The following ZYG11B variants were observed in gnomAD, a reference collection of about 807,000 sequenced individuals.
ZYG11B encodes protein zyg-11 homolog B.
Under a neutral mutation model 82.4 loss-of-function variants are expected in ZYG11B, and 36 were observed. That is an observed-to-expected ratio of 0.44 (90% CI 0.33 to 0.58). The LOEUF is 0.58. ZYG11B is among the 20% of genes least tolerant of loss of function. The probability of loss-of-function intolerance (pLI) is 0.02; values close to 1 mark genes in which losing one functional copy is unlikely to be tolerated. For synonymous variants in ZYG11B, 303 were observed against 312.8 expected, an observed-to-expected ratio of 0.97 and a Z score of 0.33; for missense variants, 552 against 895.6, an observed-to-expected ratio of 0.62 and a Z score of 4.90.
Position 52,783,788 on chromosome 1 carries a change from TTA to T in ZYG11B, c.1093-1072_1093-1071del, listed in dbSNP as rs760749281. ...TAGGCGTGTACTACCATGCCCAGCTTTATATATATATATATATACACACACAC... is the reference window on the plus strand; with the variant it reads ...TAGGCGTGTACTACCATGCCCAGCTTTATATATATATATATACACACACAC... On this transcript the variant is annotated intron_variant, in intron 4 of 13. Transcript: ENST00000294353. Among the ~76,000 whole-genome samples the T allele has an allele frequency of 1.5e-3, 78 of 51,306 alleles. 1 individual carries two copies. The highest frequency in any genetic ancestry group is 5.0e-3 in the East Asian group (7 of 1,392). 33.7% of individuals were successfully genotyped at this position (51,306 alleles called of 152,430 possible).
intron 2 of ZYG11B, among the ~76,000 whole-genome samples, chr1:52,768,912 ATCTT>A (rs775265816): frequency 2.6e-5 from 4 of 152,148 alleles, no homozygotes; most frequent in African/African-American, 4.8e-5. Context: ...TCCTTTCTCT[ATCTT>A]TGAATTCTTC....
chr1:52,748,641 T>A (rs1299891222), intron 1 of ZYG11B, among the ~76,000 whole-genome samples: 1 of 152,130 alleles, frequency 6.6e-6, no homozygotes, highest in Non-Finnish European at 1.5e-5. Context: ...GGCGGGCAGA[T>A]CACCTGAGTT....
chr1:52,776,905 G>T (rs1448094214), intron 3 of ZYG11B, among the ~76,000 whole-genome samples: 1 of 152,110 alleles, frequency 6.6e-6, no homozygotes, highest in African/African-American at 2.4e-5. Flanking sequence ...TTTAAAAAGG[G>T]TTTAAAGAAG....
At chr1:52,751,837 C>T (rs1260810071) in intron 1 of ZYG11B, among the ~76,000 whole-genome samples, 3 of 152,002 alleles carry the variant, frequency 2.0e-5, no homozygotes, top group Non-Finnish European at 4.4e-5. Flanking sequence ...ACATTTTTTC[C>T]TTCTTTATAC....
chr1:52,783,805 T>TATATATATATATATATATATATACACAC (rs74185908), intron 4 of ZYG11B, among the ~76,000 whole-genome samples: 2 of 135,002 alleles, frequency 1.5e-5, no homozygotes, highest in Admixed American at 7.4e-5. Context: ...TATATATATA[T>TATATATATATATATATATATATACACAC]ACACACACAC....
chr1:52,797,075 ATATTG>A (rs1645021193), intron 8 of ZYG11B, among the ~76,000 whole-genome samples: 74 of 76,036 alleles, frequency 9.7e-4, no homozygotes, highest in African/African-American at 5.7e-3. Flanking sequence ...TATATATTAT[ATATTG>A]TATATATTTA....
At chr1:52,787,459 G>C (rs1035582126) in intron 5 of ZYG11B, among the ~76,000 whole-genome samples, 1 of 152,116 alleles carries the variant, frequency 6.6e-6, no homozygotes, top group Non-Finnish European at 1.5e-5. Flanking sequence ...GAAAAGAGGG[G>C]GCCAAATGGG....
intron 1 of ZYG11B, among the ~76,000 whole-genome samples, chr1:52,730,221 G>T (rs965525986): frequency 6.6e-6 from 1 of 152,162 alleles, no homozygotes; most frequent in Non-Finnish European, 1.5e-5. Context: ...AATGTTTTTG[G>T]AGTGTCTTTG....
chr1:52,818,216 T>C (rs532331570), intron 13 of ZYG11B, among the ~76,000 whole-genome samples: 11 of 152,212 alleles, frequency 7.2e-5, no homozygotes, highest in African/African-American at 2.6e-4. Flanking sequence ...CTCATCCCTA[T>C]AATCCCAGCA....
intron 2 of ZYG11B, among the ~76,000 whole-genome samples, chr1:52,762,801 C>T (rs774299007): frequency 4.0e-5 from 6 of 150,662 alleles, no homozygotes; most frequent in African/African-American, 1.2e-4. Context: ...AGGTTGGTCT[C>T]GAACTCCTGA....
chr1:52,740,947 A>C (rs915232578), intron 1 of ZYG11B, among the ~76,000 whole-genome samples: 7 of 151,774 alleles, frequency 4.6e-5, no homozygotes, highest in African/African-American at 1.7e-4. Flanking sequence ...GATCATCTCT[A>C]AGGTTATAGT....
chr1:52,755,454 G>T (rs1016728622), intron 1 of ZYG11B, among the ~76,000 whole-genome samples: 1 of 151,976 alleles, frequency 6.6e-6, no homozygotes, highest in Admixed American at 6.6e-5. Context: ...GATCGTTTTG[G>T]CTATTCTAGG....
intron 1 of ZYG11B, among the ~76,000 whole-genome samples, chr1:52,730,923 G>A (rs757082176): frequency 1.5e-4 from 23 of 151,952 alleles, no homozygotes; most frequent in Non-Finnish European, 2.5e-4. Context: ...GCTTTGCAGA[G>A]GGTCTTACTT....
At chr1:52,736,764 T>C (rs1184548745) in intron 1 of ZYG11B, among the ~76,000 whole-genome samples, 1 of 151,678 alleles carries the variant, frequency 6.6e-6, no homozygotes, top group Admixed American at 6.6e-5. Context: ...ATTTTTGTAT[T>C]TTTTAGTAGA....
chr1:52,792,828 G>GT, intron 6 of ZYG11B, among the ~76,000 whole-genome samples: 1 of 152,100 alleles, frequency 6.6e-6, no homozygotes, highest in African/African-American at 2.4e-5. Context: ...TATGGAATAG[G>GT]TTTTTATTTT....
intron 1 of ZYG11B, among the ~76,000 whole-genome samples, chr1:52,732,386 A>G (rs1644340042): frequency 6.6e-6 from 1 of 152,190 alleles, no homozygotes; most frequent in Non-Finnish European, 1.5e-5. Flanking sequence ...TTGTATACAG[A>G]GATTAAATAT....
chr1:52,793,587 C>A (rs546325269), intron 6 of ZYG11B, among the ~76,000 whole-genome samples: 4 of 152,116 alleles, frequency 2.6e-5, no homozygotes, highest in Non-Finnish European at 4.4e-5. Flanking sequence ...CATTGCCTCA[C>A]GATAAAATAA....
intron 3 of ZYG11B, among the ~76,000 whole-genome samples, chr1:52,777,821 A>ATAT (rs1446606771): frequency 6.6e-6 from 1 of 152,194 alleles, no homozygotes; most frequent in Non-Finnish European, 1.5e-5. Flanking sequence ...GTCACACTGT[A>ATAT]TAATGTTACT....
chr1:52,777,600 G>A (rs1398051465), intron 3 of ZYG11B, among the ~76,000 whole-genome samples: 2 of 151,922 alleles, frequency 1.3e-5, no homozygotes, highest in Non-Finnish European at 2.9e-5. Context: ...ACCATCACAC[G>A]TAACTAATTT....
Sources: allele counts gnomAD v4.1 joint callset (sites outside exome capture counted in the v4.1 genomes callset), GRCh38; gene constraint gnomAD v4.1.1; transcripts MANE v1.5; gene names NCBI Gene and HGNC (gene_info 2026-07-23, HGNC 2026-07-21).